ZPBP: variants seen among roughly 807,000 people sequenced by gnomAD.
The protein encoded by ZPBP is zona pellucida binding protein.
ZPBP carries 26 observed loss-of-function variants against 44.8 expected under a neutral mutation model. The ratio of observed to expected loss-of-function variants is 0.58; its 90% CI spans 0.43 to 0.81. The LOEUF is 0.81. ZPBP is among the 30% of genes least tolerant of loss of function. ZPBP has a pLI of 0.00. For synonymous variants in ZPBP, 174 were observed against 153.2 expected, an observed-to-expected ratio of 1.14 and a Z score of -1.00; for missense variants, 409 against 434.0, an observed-to-expected ratio of 0.94 and a Z score of 0.51.
chr7:50,074,358 A>G (rs568836661), intron 3 of ZPBP, among the ~76,000 whole-genome samples: 21 of 152,172 alleles, frequency 1.4e-4, no homozygotes, highest in African/African-American at 5.1e-4. Context: ...GAAGACAGAA[A>G]GGAGAGAAAG....
chr7:50,053,912 C>CA (rs1800807964), intron 4 of ZPBP, among the ~76,000 whole-genome samples: 1 of 152,040 alleles, frequency 6.6e-6, no homozygotes, highest in Non-Finnish European at 1.5e-5. Context: ...CTGTCTAAGG[C>CA]AGAGTCTCAC....
At chr7:49,964,937 CATACT>C (rs1796000678) in intron 7 of ZPBP, among the ~76,000 whole-genome samples, 1 of 151,996 alleles carries the variant, frequency 6.6e-6, no homozygotes, top group Non-Finnish European at 1.5e-5. Flanking sequence ...TCTTGTCTGC[CATACT>C]ATAAGATGAA....
At chr7:49,923,044 A>C (rs1794088828) in intron 1 of ZPBP, among the ~76,000 whole-genome samples, 1 of 152,230 alleles carries the variant, frequency 6.6e-6, no homozygotes, top group Non-Finnish European at 1.5e-5. Context: ...GAAACAACTT[A>C]AGAGAAAAGA....
At chr7:49,985,860 C>T (rs1797252249) in intron 6 of ZPBP, among the ~76,000 whole-genome samples, 1 of 152,156 alleles carries the variant, frequency 6.6e-6, no homozygotes, top group Admixed American at 6.5e-5. Flanking sequence ...AAATGGGGTG[C>T]AGCCACTGGG....
chr7:49,991,671 T>A (rs893031695), intron 6 of ZPBP, among the ~76,000 whole-genome samples: 2 of 152,134 alleles, frequency 1.3e-5, no homozygotes, highest in African/African-American at 4.8e-5. Context: ...TTTGAAATTA[T>A]TAGAGAGGTA....
intron 6 of ZPBP, among the ~76,000 whole-genome samples, chr7:49,999,925 T>C (rs1798021967): frequency 6.6e-6 from 1 of 152,046 alleles, no homozygotes; most frequent in African/African-American, 2.4e-5. Flanking sequence ...CGATCTTTCT[T>C]CTCGCCAAAT....
At chr7:49,868,832 T>G (rs1238748922) in intron 2 of ZPBP, among the ~76,000 whole-genome samples, 1 of 152,192 alleles carries the variant, frequency 6.6e-6, no homozygotes, top group Admixed American at 6.5e-5. Context: ...TTGGCCAGGC[T>G]GGTCTTGAAC....
chr7:49,853,798 T>C (rs1191319012), intron 2 of ZPBP, among the ~76,000 whole-genome samples: 2 of 152,084 alleles, frequency 1.3e-5, no homozygotes, highest in African/African-American at 4.8e-5. Flanking sequence ...GTGTGCCATG[T>C]TGGTGTGCTG....
intron 3 of ZPBP, among the ~76,000 whole-genome samples, chr7:50,075,684 C>T (rs1037214556): frequency 2.0e-5 from 3 of 151,910 alleles, no homozygotes; most frequent in Admixed American, 2.0e-4. Flanking sequence ...ATACATACAA[C>T]CTACCAAGAT....
intron 2 of ZPBP, among the ~76,000 whole-genome samples, chr7:49,878,471 A>C (rs964481025): frequency 2.0e-5 from 3 of 152,048 alleles, no homozygotes; most frequent in South Asian, 4.1e-4. Context: ...TAAATAATGT[A>C]TTTGCTCAAT....
intron 7 of ZPBP, among the ~76,000 whole-genome samples, chr7:49,948,446 T>C (rs181341851): frequency 2.0e-5 from 3 of 152,252 alleles, no homozygotes; most frequent in Admixed American, 2.0e-4. Context: ...CAACCCACAA[T>C]ATAGGAGAAA....
rs1207715133 is a variant in ZPBP at position 50,018,234 on chromosome 7, A to G, written c.783+6T>C. On this transcript the variant is annotated splice_donor_region_variant and intron_variant, in intron 6 of 7. Coordinates refer to ENST00000046087, the MANE Select transcript of ZPBP (RefSeq NM_007009.3). Reference sequence around the variant, plus strand: ...TTTTTCCTTTTACCAGCCTCACATAACATACCTTAAAAAGTCTTTTGTAAG... The same window carrying G: ...TTTTTCCTTTTACCAGCCTCACATAGCATACCTTAAAAAGTCTTTTGTAAG... 1.2e-6 allele frequency: 2 copies of G among 1,610,162 alleles called. No individual in the cohort carries two copies. Among genetic ancestry groups the G allele is most frequent in the South Asian group, 1.1e-5 (1 of 90,988 alleles).
chr7:49,982,918 A>C (rs1009768481), intron 7 of ZPBP, among the ~76,000 whole-genome samples: 2 of 152,066 alleles, frequency 1.3e-5, no homozygotes, highest in Non-Finnish European at 2.9e-5. Flanking sequence ...AAAAGTTAGA[A>C]AAAACAATTG....
chr7:49,954,434 G>T (rs540222439), intron 7 of ZPBP, among the ~76,000 whole-genome samples: 1 of 152,060 alleles, frequency 6.6e-6, no homozygotes, highest in Non-Finnish European at 1.5e-5. Flanking sequence ...AAAAGAAAGC[G>T]CACGTAACTT....
downstream of ZPBP, among the ~76,000 whole-genome samples, chr7:49,849,114 T>G (rs542621647): frequency 1.3e-5 from 2 of 152,292 alleles, no homozygotes; most frequent in East Asian, 3.9e-4. Flanking sequence ...TTCTTATTTC[T>G]CAGAGTTTGA....
chr7:49,973,941 T>A (rs1796399186), intron 7 of ZPBP, among the ~76,000 whole-genome samples: 2 of 152,276 alleles, frequency 1.3e-5, no homozygotes, highest in South Asian at 4.1e-4. Context: ...TGAACAGGTA[T>A]ATGTAGTAGA....
At chr7:49,964,022 C>T (rs1204724257) in intron 7 of ZPBP, among the ~76,000 whole-genome samples, 2 of 151,754 alleles carry the variant, frequency 1.3e-5, no homozygotes, top group African/African-American at 2.4e-5. Flanking sequence ...AGGTTCAATG[C>T]ATATTTTAAC....
intron 7 of ZPBP, among the ~76,000 whole-genome samples, chr7:49,966,012 A>G (rs1446496814): frequency 6.6e-6 from 1 of 152,102 alleles, no homozygotes; most frequent in African/African-American, 2.4e-5. Flanking sequence ...AGGAAAACCT[A>G]TTACAAAAAA....
intron 2 of ZPBP, among the ~76,000 whole-genome samples, chr7:49,873,906 TAAAAAA>T (rs11326386): frequency 6.8e-6 from 1 of 146,458 alleles, no homozygotes; most frequent in Non-Finnish European, 1.5e-5. Flanking sequence ...TATAATTAAG[TAAAAAA>T]AAAAAACAAC....
Sources: gnomAD v4.1 joint callset for allele counts (sites outside exome capture counted in the v4.1 genomes callset) on GRCh38, gnomAD v4.1.1 for gene constraint, MANE v1.5 for transcripts, NCBI Gene and HGNC (gene_info 2026-07-23, HGNC 2026-07-21) for gene names.